Variants in TMEM232 observed in about 807,000 individuals in gnomAD.
TMEM232 encodes the protein transmembrane protein 232.
A neutral mutation model predicts 78.8 loss-of-function variants in TMEM232; 80 were observed. That is an observed-to-expected ratio of 1.01 (90% confidence interval 0.85 to 1.22). The LOEUF (loss-of-function observed/expected upper bound fraction) is 1.22, where lower values mean the gene tolerates loss of function less well. Among genes scored for constraint, TMEM232 ranks in the 50% most tolerant of loss-of-function variants. The probability of loss-of-function intolerance (pLI) is 0.00; values close to 1 mark genes in which losing one functional copy is unlikely to be tolerated. For missense variants in TMEM232, 881 were observed against 742.2 expected (o/e 1.19, Z -2.17); for synonymous variants, 297 against 254.3 (o/e 1.17, Z -1.60).
chr5:110,618,393 C>T, intron 8 of TMEM232, 36 bp downstream of exon 8: 1 of 1,546,272 alleles, frequency 6.5e-7, no homozygotes, highest in Non-Finnish European at 8.7e-7. Flanking sequence ...AAAGATTTCT[C>T]CATGAGTTAC....
intron 2 of TMEM232, among the ~76,000 whole-genome samples, chr5:110,413,998 C>A (rs1005215505): frequency 2.6e-5 from 4 of 152,174 alleles, no homozygotes; most frequent in African/African-American, 9.7e-5. Context: ...ATAGAAAGCA[C>A]TCCCGTGAAT....
intron 10 of TMEM232, among the ~76,000 whole-genome samples, chr5:110,589,824 T>C (rs1031893677): frequency 6.6e-6 from 1 of 152,148 alleles, no homozygotes; most frequent in African/African-American, 2.4e-5. Flanking sequence ...AAAATGTTTT[T>C]CAAAATCAGA....
In TMEM232 at chr5:110,692,161, CT is replaced by C. The variant is rs1197171354; in HGVS notation, c.-12-24798del. Among the ~76,000 whole-genome samples, 9 of 152,282 alleles carry C rather than the reference CT, an allele frequency of 5.9e-5. No homozygotes were observed. The East Asian group carries it at 1.5e-3, about 26-fold the overall frequency. On this transcript the variant is annotated intron_variant, in intron 1 of 13. Coordinates refer to ENST00000455884, the MANE Select transcript of TMEM232 (RefSeq NM_001039763.4). Reference sequence around the variant, plus strand: ...TGCTCTTGTACTCCGGACTCATGATCTGCCCGCCTCGGCCTCCAAAAGTGCT... The same window carrying C: ...TGCTCTTGTACTCCGGACTCATGATCGCCCGCCTCGGCCTCCAAAAGTGCT...
chr5:110,568,677 A>G, intron 10 of TMEM232, 52 bp from the exon 11 acceptor site: 1 of 1,478,944 alleles, frequency 6.8e-7, no homozygotes, highest in Admixed American at 2.6e-5. Flanking sequence ...CACCTTGCTA[A>G]AGTATGATTG....
At chr5:110,421,618 A>T (rs1756657291) in intron 13 of TMEM232, among the ~76,000 whole-genome samples, 1 of 152,130 alleles carries the variant, frequency 6.6e-6, no homozygotes, top group South Asian at 2.1e-4. Context: ...ATATACACAA[A>T]TGATCAGTCT....
rs547855566 is a variant in TMEM232 at position 110,430,837 on chromosome 5, A to G, written c.1704-5921T>C. On this transcript the variant is annotated intron_variant, in intron 12 of 13. Transcript: ENST00000455884. ...ACAAATGCTATGAGAGCCAAAGATT[A>G]TTTTTAAAAATCTGTTTAAAAGCAT... Among the ~76,000 whole-genome samples the G allele has an allele frequency of 3.9e-5, 6 of 151,944 alleles. No individual in the cohort carries two copies. The South Asian group carries it at 1.0e-3, about 26-fold the overall frequency.
At chr5:110,426,130 CCTT>C (rs1474231017) in intron 12 of TMEM232, among the ~76,000 whole-genome samples, 3 of 151,970 alleles carry the variant, frequency 2.0e-5, no homozygotes, top group African/African-American at 4.8e-5. Flanking sequence ...TTCTCTTTCT[CCTT>C]CTTCTAGCCC....
rs1426906033 is a variant in TMEM232 at position 110,568,899 on chromosome 5, T to G, written c.1277-274A>C. ...ATTTAAAAGTTAAATGGGTAAACTG[T>G]AAACTACATACACAAAATAAATTCT... On this transcript the variant is annotated intron_variant, in intron 10 of 13. Transcript: ENST00000455884. Among the ~76,000 whole-genome samples the G allele has an allele frequency of 5.3e-5, 8 of 151,960 alleles. No individual in the cohort carries two copies. In the East Asian group the frequency reaches 1.5e-3, roughly 29 times the overall value.
intron 12 of TMEM232, among the ~76,000 whole-genome samples, chr5:110,525,547 C>A (rs950675886): frequency 6.6e-6 from 1 of 151,756 alleles, no homozygotes; most frequent in African/African-American, 2.4e-5. Flanking sequence ...AAAAGCAATA[C>A]TGAATAAATG....
intron 12 of TMEM232, among the ~76,000 whole-genome samples, chr5:110,522,065 C>T (rs73222609): frequency 0.029 from 4,460 of 152,228 alleles, 223 homozygotes; most frequent in African/African-American, 0.1. Flanking sequence ...CACATGAATA[C>T]AAAATGCCAT....
At chr5:110,557,785 A>G (rs995710745) in intron 11 of TMEM232, among the ~76,000 whole-genome samples, 15 of 152,182 alleles carry the variant, frequency 9.9e-5, no homozygotes, top group Admixed American at 3.3e-4. Context: ...ACCTCCCCCC[A>G]GGCCCCATAT....
intron 12 of TMEM232, among the ~76,000 whole-genome samples, chr5:110,507,264 C>T (rs1767018117): frequency 6.6e-6 from 1 of 152,138 alleles, no homozygotes; most frequent in South Asian, 2.1e-4. Flanking sequence ...CTTGTCACAA[C>T]CTCTCCTTGC....
chr5:110,573,544 A>G (rs764170774), intron 10 of TMEM232, among the ~76,000 whole-genome samples: 45 of 152,090 alleles, frequency 3.0e-4, no homozygotes, highest in Admixed American at 5.3e-4. Flanking sequence ...CTAAAGAAAA[A>G]GACAAACTGC....
upstream of TMEM232, chr5:110,738,218 C>T (rs1799411080): frequency 7.8e-7 from 1 of 1,286,732 alleles, no homozygotes; most frequent in African/African-American, 1.5e-5. Flanking sequence ...GGGAGCCTGG[C>T]CCAAGAGCCC....
chr5:110,626,139 G>A (rs1490201032), intron 6 of TMEM232, among the ~76,000 whole-genome samples: 1 of 151,890 alleles, frequency 6.6e-6, no homozygotes. Flanking sequence ...ATTATATTTG[G>A]TAAGAGGGCA....
At chr5:110,598,971 C>T (rs1274350913) in intron 10 of TMEM232, among the ~76,000 whole-genome samples, 1 of 151,526 alleles carries the variant, frequency 6.6e-6, no homozygotes, top group African/African-American at 2.4e-5. Flanking sequence ...TGTAACTAAC[C>T]TGCACATTGT....
intron 2 of TMEM232, among the ~76,000 whole-genome samples, chr5:110,733,684 G>C (rs1426616835): frequency 3.3e-5 from 5 of 152,132 alleles, no homozygotes; most frequent in Admixed American, 1.3e-4. Context: ...GCCTACTTGA[G>C]GGTGAAGGGT....
downstream of TMEM232, among the ~76,000 whole-genome samples, chr5:110,416,298 A>G (rs927726443): frequency 6.6e-6 from 1 of 152,248 alleles, no homozygotes; most frequent in African/African-American, 2.4e-5. Flanking sequence ...CTACAGAGGC[A>G]TTGGCACAAC....
chr5:110,454,301 G>C (rs542597208), intron 12 of TMEM232, among the ~76,000 whole-genome samples: 12 of 152,168 alleles, frequency 7.9e-5, no homozygotes, highest in African/African-American at 2.6e-4. Flanking sequence ...ATCACACCAA[G>C]TGAATTATAA....
Sources: allele counts gnomAD v4.1 joint callset (sites outside exome capture counted in the v4.1 genomes callset), GRCh38; gene constraint gnomAD v4.1.1; transcripts MANE v1.5; gene names NCBI Gene and HGNC (gene_info 2026-07-23, HGNC 2026-07-21).